Variants in SGCD observed in about 807,000 individuals in gnomAD.
SGCD encodes the protein sarcoglycan delta, also known as delta-sarcoglycan.
Under a neutral mutation model 36.6 loss-of-function variants are expected in SGCD, and 18 were observed. The observed-to-expected ratio is 0.49, with a 90% CI of 0.34 to 0.73. The LOEUF (loss-of-function observed/expected upper bound fraction) is 0.73. SGCD is among the 30% of genes least tolerant of loss of function. The pLI, the probability that SGCD is intolerant of heterozygous loss-of-function variation, is 0.01. For missense variants in SGCD, 387 were observed against 346.7 expected (o/e 1.12, Z -0.92); for synonymous variants, 133 against 130.6 (o/e 1.02, Z -0.12).
intron 7 of SGCD, among the ~76,000 whole-genome samples, chr5:156,681,562 G>A (rs1753723297): frequency 6.6e-6 from 1 of 152,140 alleles, no homozygotes; most frequent in African/African-American, 2.4e-5. Flanking sequence ...AGTTTAGCTG[G>A]GAGAATAGCC....
intron 3 of SGCD, among the ~76,000 whole-genome samples, chr5:156,504,388 G>GTATATATA (rs1756598410): frequency 2.6e-5 from 2 of 77,320 alleles, no homozygotes; most frequent in Admixed American, 1.1e-4. Flanking sequence ...GTGGGTGTGT[G>GTATATATA]TGTGTATATA....
chr5:156,206,787 G>A (rs1764291346), intron 3 of SGCD, among the ~76,000 whole-genome samples: 1 of 151,734 alleles, frequency 6.6e-6, no homozygotes, highest in Non-Finnish European at 1.5e-5. Context: ...GATTTGTATG[G>A]CATAGAGCAT....
At chr5:156,166,683 A>G (rs958100075) in intron 3 of SGCD, among the ~76,000 whole-genome samples, 2 of 152,224 alleles carry the variant, frequency 1.3e-5, no homozygotes, top group Non-Finnish European at 2.9e-5. Flanking sequence ...AGAGACCTGC[A>G]TCTAATATGT....
At chr5:156,244,894 A>C (rs1284484651) in intron 3 of SGCD, among the ~76,000 whole-genome samples, 2 of 152,224 alleles carry the variant, frequency 1.3e-5, no homozygotes, top group African/African-American at 4.8e-5. Context: ...ATCTTGTTTC[A>C]TTGAAACCTT....
intron 1 of SGCD, among the ~76,000 whole-genome samples, chr5:155,893,069 T>C (rs1421824118): frequency 6.6e-6 from 1 of 152,162 alleles, no homozygotes; most frequent in Non-Finnish European, 1.5e-5. Flanking sequence ...AGAGTTACTA[T>C]AATTAATAAC....
chr5:156,467,600 G>T (rs1045649558), intron 3 of SGCD, among the ~76,000 whole-genome samples: 1 of 152,194 alleles, frequency 6.6e-6, no homozygotes, highest in Non-Finnish European at 1.5e-5. Context: ...GCTATGTTCT[G>T]CAACTATCAT....
chr5:156,029,815 A>AT (rs1316939392), intron 1 of SGCD, among the ~76,000 whole-genome samples: 1 of 151,970 alleles, frequency 6.6e-6, no homozygotes, highest in African/African-American at 2.4e-5. Flanking sequence ...ACTTTACCTA[A>AT]TTTTTTAAAA....
the SGCD span, among the ~76,000 whole-genome samples, chr5:155,800,336 TCC>T: frequency 6.6e-6 from 1 of 152,204 alleles, no homozygotes; most frequent in Non-Finnish European, 1.5e-5. Context: ...GCGTATTTTT[TCC>T]AAGTGTTTCT....
At chr5:156,530,788 C>T (rs1424502337) in intron 4 of SGCD, among the ~76,000 whole-genome samples, 1 of 152,054 alleles carries the variant, frequency 6.6e-6, no homozygotes, top group East Asian at 1.9e-4. Context: ...CCATGTTGGC[C>T]AGACTGGTCT....
At chr5:156,553,635 C>A (rs1581160297) in intron 4 of SGCD, among the ~76,000 whole-genome samples, 1 of 152,170 alleles carries the variant, frequency 6.6e-6, no homozygotes, top group African/African-American at 2.4e-5. Flanking sequence ...CTTCTTACAA[C>A]CCCTGGCAAC....
chr5:156,616,149 C>G (rs1007772491), intron 6 of SGCD, among the ~76,000 whole-genome samples: 5 of 152,196 alleles, frequency 3.3e-5, no homozygotes, highest in Non-Finnish European at 7.3e-5. Flanking sequence ...ATTTTCTAAT[C>G]TTGTATTCTG....
intron 1 of SGCD, among the ~76,000 whole-genome samples, chr5:155,935,778 G>A (rs1305826399): frequency 2.0e-5 from 3 of 152,114 alleles, no homozygotes; most frequent in South Asian, 2.1e-4. Flanking sequence ...AGTTTTGCTC[G>A]GGCCCACTGG....
intron 3 of SGCD, among the ~76,000 whole-genome samples, chr5:156,482,813 G>GTTTTTTTTTTTTTTTTTT (rs3074979): frequency 1.2e-5 from 1 of 83,380 alleles, no homozygotes. Context: ...CTTTTGGTCA[G>GTTTTTTTTTTTTTTTTTT]TTTTTTTTTT....
intron 1 of SGCD, among the ~76,000 whole-genome samples, chr5:155,985,856 A>C (rs1021683654): frequency 2.6e-5 from 4 of 152,108 alleles, no homozygotes; most frequent in Admixed American, 1.3e-4. Context: ...GCTGTCCCTC[A>C]CTTGCTTGTA....
intron 1 of SGCD, among the ~76,000 whole-genome samples, chr5:155,934,143 G>A (rs868622683): frequency 6.6e-6 from 1 of 152,254 alleles, no homozygotes; most frequent in African/African-American, 2.4e-5. Context: ...GACAGTATCA[G>A]ATGGGAGTGG....
At chr5:156,287,433 CA>C (rs1388075597) in intron 3 of SGCD, among the ~76,000 whole-genome samples, 2 of 151,892 alleles carry the variant, frequency 1.3e-5, no homozygotes, top group Non-Finnish European at 2.9e-5. Flanking sequence ...ACCGAAGGAA[CA>C]GAAACAAGGA....
At chr5:155,942,334 G>GTATCTATCTATC (rs67577711) in intron 1 of SGCD, among the ~76,000 whole-genome samples, 1,908 of 138,454 alleles carry the variant, frequency 0.014, 25 homozygotes, top group African/African-American at 0.029. Flanking sequence ...ATGTATGTAT[G>GTATCTATCTATC]TATCTATCTA....
chr5:156,296,423 G>T (rs568317747), intron 3 of SGCD, among the ~76,000 whole-genome samples: 3 of 152,268 alleles, frequency 2.0e-5, no homozygotes, highest in African/African-American at 7.2e-5. Flanking sequence ...AATTTAGGTT[G>T]TCAATAGAAG....
chr5:155,872,608 A>C (rs1755678423), intron 1 of SGCD, among the ~76,000 whole-genome samples: 1 of 152,266 alleles, frequency 6.6e-6, no homozygotes. Flanking sequence ...CACTGTGTAC[A>C]TTTCTTTTGC....
Sources: allele counts gnomAD v4.1 joint callset (sites outside exome capture counted in the v4.1 genomes callset), GRCh38; gene constraint gnomAD v4.1.1; transcripts MANE v1.5; gene names NCBI Gene and HGNC (gene_info 2026-07-23, HGNC 2026-07-21).